The following PAM variants were observed in gnomAD, a reference collection of about 807,000 sequenced individuals.
The protein encoded by PAM is peptidyl-glycine alpha-amidating monooxygenase.
In PAM, 72 loss-of-function variants were observed where a neutral mutation model predicts 122.1. The ratio of observed to expected loss-of-function variants is 0.59; its 90% confidence interval spans 0.49 to 0.72. PAM has a LOEUF of 0.72. Ranked by LOEUF, PAM falls within the 30% of genes least tolerant of loss-of-function variation. The pLI is 0.00. For missense variants in PAM, 1,106 were observed against 1,183.7 expected (o/e 0.93, Z 0.96); for synonymous variants, 389 against 404.4 (o/e 0.96, Z 0.46).
intron 14 of PAM, among the ~76,000 whole-genome samples, chr5:102,973,807 T>C (rs1207888195): frequency 2.2e-5 from 3 of 134,596 alleles, no homozygotes; most frequent in Non-Finnish European, 4.9e-5. Flanking sequence ...TGATGAGCTC[T>C]TAATTTCCGT....
At chr5:103,017,494 T>C in intron 22 of PAM, 61 bp downstream of exon 22, 2 of 987,480 alleles carry the variant, frequency 2.0e-6, no homozygotes, top group Non-Finnish European at 3.2e-6. Flanking sequence ...TAAAAGCATA[T>C]GAAACAAAAA....
intron 13 of PAM, among the ~76,000 whole-genome samples, chr5:102,960,805 A>G (rs552471049): frequency 6.6e-6 from 1 of 151,906 alleles, no homozygotes; most frequent in South Asian, 2.1e-4. Context: ...TATTTATAGA[A>G]TATGCCTTAA....
intron 1 of PAM, among the ~76,000 whole-genome samples, chr5:102,855,065 T>C (rs1235350128): frequency 6.6e-6 from 1 of 152,186 alleles, no homozygotes; most frequent in Non-Finnish European, 1.5e-5. Context: ...ATAAAAGACA[T>C]TAAAATGTTT....
At chr5:102,756,183 G>T (rs75713630) in intron 1 of PAM, among the ~76,000 whole-genome samples, 11 of 152,126 alleles carry the variant, frequency 7.2e-5, no homozygotes, top group Non-Finnish European at 1.3e-4. Context: ...CTCTTGTCTC[G>T]TGCAGCTGCC....
At chr5:102,880,349 A>G (rs949873211) in intron 3 of PAM, among the ~76,000 whole-genome samples, 2 of 152,208 alleles carry the variant, frequency 1.3e-5, no homozygotes, top group African/African-American at 4.8e-5. Flanking sequence ...ATATAAATGT[A>G]GATAAAATTT....
intron 1 of PAM, among the ~76,000 whole-genome samples, chr5:102,818,440 T>C (rs189309388): frequency 2.9e-4 from 44 of 152,092 alleles, no homozygotes; most frequent in African/African-American, 1.0e-3. Context: ...ATACCAGTTA[T>C]GTAACTGTCA....
intron 3 of PAM, among the ~76,000 whole-genome samples, chr5:102,892,851 A>T (rs1412976279): frequency 6.6e-6 from 1 of 151,870 alleles, no homozygotes; most frequent in Admixed American, 6.6e-5. Flanking sequence ...AACAAATAGT[A>T]AAAGTGCAAA....
At chr5:102,778,188 A>G (rs1757697448) in intron 1 of PAM, among the ~76,000 whole-genome samples, 1 of 152,078 alleles carries the variant, frequency 6.6e-6, no homozygotes, top group African/African-American at 2.4e-5. Context: ...ATTTTTTTGA[A>G]GAGTTGATTT....
intron 3 of PAM, among the ~76,000 whole-genome samples, chr5:102,889,916 G>A (rs1365259220): frequency 2.6e-5 from 4 of 151,944 alleles, no homozygotes; most frequent in Non-Finnish European, 5.9e-5. Context: ...CCTAATGGCA[G>A]ACTTTGTCTC....
intron 3 of PAM, among the ~76,000 whole-genome samples, chr5:102,875,964 A>G (rs1789044445): frequency 6.6e-6 from 1 of 152,216 alleles, no homozygotes; most frequent in African/African-American, 2.4e-5. Context: ...TAAAAATACC[A>G]ATGCAAGGTT....
chr5:102,780,525 C>G (rs1561425720), intron 1 of PAM, among the ~76,000 whole-genome samples: 2 of 151,988 alleles, frequency 1.3e-5, no homozygotes, highest in Non-Finnish European at 2.9e-5. Context: ...ATTTGTAGGA[C>G]ATTTGAGAGT....
chr5:102,829,012 G>A (rs1002464338), intron 1 of PAM, among the ~76,000 whole-genome samples: 2 of 148,182 alleles, frequency 1.3e-5, no homozygotes, highest in African/African-American at 5.0e-5. Context: ...TCAGCTTCCC[G>A]AGAAGCTGGG....
At chr5:102,981,735 G>T (rs1769958601) in intron 15 of PAM, among the ~76,000 whole-genome samples, 1 of 152,142 alleles carries the variant, frequency 6.6e-6, no homozygotes, top group African/African-American at 2.4e-5. Context: ...GTTCCCCTTG[G>T]AGCCCATCTA....
At chr5:102,898,343 T>G (rs1796746986) in intron 3 of PAM, among the ~76,000 whole-genome samples, 1 of 151,566 alleles carries the variant, frequency 6.6e-6, no homozygotes, top group Non-Finnish European at 1.5e-5. Context: ...ACAGTGTTCT[T>G]TCCACAGAGA....
In PAM at chr5:103,003,212, T is replaced by C. The variant is rs866278478; in HGVS notation, c.1730+63T>C. On this transcript the variant is annotated intron_variant, in intron 17 of 25. Transcript: ENST00000438793. ...CATATATTGAGTATAAAGTGTATCATAGAGTCTTGAAATTCGAGTGTTTTG... is the reference window on the plus strand; with the variant it reads ...CATATATTGAGTATAAAGTGTATCACAGAGTCTTGAAATTCGAGTGTTTTG... 8.2e-5 allele frequency: 63 copies of C among 769,360 alleles called. No homozygotes were observed. In the Middle Eastern group the frequency reaches 1.5e-3, roughly 18 times the overall value. 47.7% of individuals were successfully genotyped at this position (769,360 alleles called of 1,614,324 possible).
At chr5:102,943,569 T>C (rs1022878936) in intron 7 of PAM, among the ~76,000 whole-genome samples, 2 of 152,298 alleles carry the variant, frequency 1.3e-5, no homozygotes, top group East Asian at 1.9e-4. Flanking sequence ...TGCCTTTTTT[T>C]CTAGTAAATA....
chr5:102,782,627 G>T (rs1759295089), intron 1 of PAM, among the ~76,000 whole-genome samples: 2 of 151,712 alleles, frequency 1.3e-5, no homozygotes, highest in Admixed American at 6.6e-5. Flanking sequence ...GTCAATATTT[G>T]GTTCTTAAGT....
At chr5:102,835,988 A>G (rs912593901) in intron 1 of PAM, among the ~76,000 whole-genome samples, 8 of 152,318 alleles carry the variant, frequency 5.3e-5, no homozygotes, top group African/African-American at 1.9e-4. Context: ...CTTTCTAGTC[A>G]AAGGGAATAA....
intron 18 of PAM, 150 bp from the exon 19 acceptor site, chr5:103,006,651 C>T (rs1003390252): frequency 1.8e-5 from 11 of 605,064 alleles, no homozygotes; most frequent in African/African-American, 9.2e-5. Context: ...TCTAGGATCC[C>T]GTTCAGTTCT....
Sources: gnomAD v4.1 joint callset for allele counts (sites outside exome capture counted in the v4.1 genomes callset) on GRCh38, gnomAD v4.1.1 for gene constraint, MANE v1.5 for transcripts, NCBI Gene and HGNC (gene_info 2026-07-23, HGNC 2026-07-21) for gene names.